Variants in SARDH observed in about 807,000 individuals in gnomAD.
SARDH encodes sarcosine dehydrogenase.
In SARDH, 95 loss-of-function variants were observed where a neutral mutation model predicts 109.1. That is an observed-to-expected ratio of 0.87 (90% confidence interval 0.74 to 1.03). The LOEUF is 1.03. SARDH is among the 50% of genes least tolerant of loss of function. The pLI, the probability that SARDH is intolerant of heterozygous loss-of-function variation, is 0.00. For missense variants in SARDH, 1,267 were observed against 1,287.8 expected (o/e 0.98, Z 0.25); for synonymous variants, 572 against 534.8 (o/e 1.07, Z -0.96).
rs1830055134 is a variant in SARDH at position 133,666,086 on chromosome 9, C to T, written c.2631+649G>A. On this transcript the variant is annotated intron_variant, in intron 20 of 20. Coordinates refer to ENST00000439388, the MANE Select transcript of SARDH (RefSeq NM_001134707.2). This position sits in a 1 kb window ranked among gnomAD's most constrained non-coding sequence, Gnocchi z 5.2. ...CTGGCCACCCAGAGCTGTCCTGGGA[C>T]TTGCTCCTGGGGGCAGTGCCTGCTC... Among the ~76,000 whole-genome samples, 1 of 152,222 alleles carries T rather than the reference C, an allele frequency of 6.6e-6. No individual in the cohort carries two copies. The highest frequency in any genetic ancestry group is 1.5e-5 in the Non-Finnish European group (1 of 68,030).
intron 1 of SARDH, among the ~76,000 whole-genome samples, 189 bp from the exon 2 acceptor site, chr9:133,734,392 TTCAC>T (rs1250268353): frequency 6.8e-6 from 1 of 147,118 alleles, no homozygotes; most frequent in Non-Finnish European, 1.5e-5. Flanking sequence ...CATTCATTCA[TTCAC>T]TCATTCATTC....
rs1830073960 is a variant in SARDH, at chr9:133,666,618, G to T, written c.2631+117C>A. ...CTTTCTCTTCCCTCCTCCTCTTCTG[G>T]ACCACACCCGTGCCTCCTCCCTATG... On this transcript the variant is annotated intron_variant, in intron 20 of 20. Transcript: ENST00000439388. The surrounding 1 kb of genome is among the most constrained non-coding windows in gnomAD (Gnocchi z 5.2). 1.5e-5 allele frequency: 20 copies of T among 1,372,958 alleles called. No individual in the cohort carries two copies. In the South Asian group the frequency reaches 1.8e-4, roughly 12 times the overall value. The allele number at this position is 1,372,958 out of a possible 1,614,324, so 85.0% of individuals were successfully genotyped here.
rs1832575997 is a variant in SARDH at position 133,728,793 on chromosome 9, G to T, written c.915+972C>A. Reference sequence around the variant, plus strand: ...GGGTTCAATGGAATGTGAATGGTTGGATTAATATGTGGGTGGATGCTGAAG... The same window carrying T: ...GGGTTCAATGGAATGTGAATGGTTGTATTAATATGTGGGTGGATGCTGAAG... On this transcript the variant is annotated intron_variant, in intron 6 of 20. Coordinates refer to ENST00000439388, the MANE Select transcript of SARDH (RefSeq NM_001134707.2). The surrounding 1 kb of genome is among the most constrained non-coding windows in gnomAD (Gnocchi z 5.0). Among the ~76,000 whole-genome samples, 1 of 142,702 alleles carries T rather than the reference G, an allele frequency of 7.0e-6. No individual in the cohort carries two copies. 93.6% of individuals were successfully genotyped at this position (142,702 alleles called of 152,430 possible). A position where few individuals can be genotyped will look rare whatever the true frequency, so the allele number is the denominator to read the frequency against.
chr9:133,734,344 C>CTCATTCATTCATTCATTCACTCATTCAT, intron 1 of SARDH, 141 bp from the exon 2 acceptor site: 1 of 408,534 alleles, frequency 2.4e-6, no homozygotes. Context: ...CATTCATTCA[C>CTCATTCATTCATTCATTCACTCATTCAT]TCATTCATTC....
intron 17 of SARDH, among the ~76,000 whole-genome samples, chr9:133,677,666 C>G (rs934880776): frequency 9.2e-5 from 14 of 152,340 alleles, no homozygotes; most frequent in African/African-American, 2.9e-4. Flanking sequence ...TAGCGTGGAC[C>G]CTGCTGGGAA....
intron 7 of SARDH, 144 bp from the exon 8 acceptor site, chr9:133,717,599 G>A: frequency 8.0e-7 from 1 of 1,242,562 alleles, no homozygotes; most frequent in Non-Finnish European, 1.1e-6. Context: ...ACACGTCCCA[G>A]CCGTTTGTCT....
intron 10 of SARDH, among the ~76,000 whole-genome samples, chr9:133,710,205 G>A (rs1050346105): frequency 1.3e-5 from 2 of 152,236 alleles, no homozygotes; most frequent in African/African-American, 2.4e-5. Context: ...CATGAGCCTC[G>A]AGTGCGCTCC....
chr9:133,661,060 C>T (rs1832405630), downstream of SARDH, among the ~76,000 whole-genome samples: 1 of 151,956 alleles, frequency 6.6e-6, no homozygotes, highest in Non-Finnish European at 1.5e-5. Context: ...ATAATTAGGG[C>T]TGGGCGCGGT....
At chr9:133,730,347 G>A (rs1457232330) in intron 4 of SARDH, among the ~76,000 whole-genome samples, 160 bp from the exon 5 acceptor site, 2 of 152,066 alleles carry the variant, frequency 1.3e-5, no homozygotes, top group Non-Finnish European at 2.9e-5. Flanking sequence ...GATGACCACA[G>A]CGCCAGAAAA....
intron 13 of SARDH, among the ~76,000 whole-genome samples, chr9:133,702,335 G>A (rs1184244117): frequency 2.0e-5 from 3 of 152,206 alleles, no homozygotes; most frequent in Non-Finnish European, 4.4e-5. Flanking sequence ...AGGTCCCCAG[G>A]CAGGGGCGAC....
At position 133,718,051 on chromosome 9, in the gene SARDH, C is replaced by T. The variant is rs533555432; in HGVS notation, c.1021-596G>A. Among the ~76,000 whole-genome samples the T allele has an allele frequency of 1.2e-4, 19 of 152,296 alleles. No individual in the cohort carries two copies. Among genetic ancestry groups the T allele is most frequent in the African/African-American group, 3.4e-4 (14 of 41,564 alleles). On this transcript the variant is annotated intron_variant, in intron 7 of 20. Coordinates refer to ENST00000439388, the MANE Select transcript of SARDH (RefSeq NM_001134707.2). The surrounding 1 kb of genome is among the most constrained non-coding windows in gnomAD (Gnocchi z 4.2). ...ATTTTATTCAGTGCGCGATCATCTTCCAGAATTTCATTCCTTGTTCATTTG... is the reference window on the plus strand; with the variant it reads ...ATTTTATTCAGTGCGCGATCATCTTTCAGAATTTCATTCCTTGTTCATTTG...
At chr9:133,683,932 C>A (rs778951544) in intron 17 of SARDH, among the ~76,000 whole-genome samples, 1 of 152,220 alleles carries the variant, frequency 6.6e-6, no homozygotes, top group Non-Finnish European at 1.5e-5. Flanking sequence ...GTGTCACTGA[C>A]ACATATCGGG....
chr9:133,732,684 A>T lies in SARDH; in HGVS notation c.332-83T>A, dbSNP rs1832731313. 2.1e-6 allele frequency: 3 copies of T among 1,428,658 alleles called. No individual in the cohort carries two copies. In the Admixed American group the frequency reaches 6.7e-5, roughly 32 times the overall value. The allele number at this position is 1,428,658 out of a possible 1,614,324, so 88.5% of individuals were successfully genotyped here. On this transcript the variant is annotated intron_variant, in intron 2 of 20. Transcript: ENST00000439388. ...CAGACGAATATCAGGGGATACCCTG[A>T]TATTCAACCATGGGTGTCTTTCTCT...
intron 17 of SARDH, among the ~76,000 whole-genome samples, chr9:133,682,525 G>A (rs1379493631): frequency 1.3e-5 from 2 of 152,192 alleles, no homozygotes; most frequent in Non-Finnish European, 2.9e-5. Context: ...GATGAGCTTC[G>A]TGCCGCAGCT....
downstream of SARDH, among the ~76,000 whole-genome samples, chr9:133,661,778 G>A (rs1331504130): frequency 2.0e-5 from 3 of 152,198 alleles, no homozygotes; most frequent in East Asian, 5.8e-4. Context: ...ACTGCGCCCG[G>A]CCAGTGTAGG....
intron 14 of SARDH, among the ~76,000 whole-genome samples, chr9:133,695,873 A>T (rs1831267531): frequency 6.6e-6 from 1 of 152,186 alleles, no homozygotes; most frequent in African/African-American, 2.4e-5. Context: ...GTTTCTATTT[A>T]ATTCTGGCAA....
At chr9:133,660,435 T>TG (rs1832398260), downstream of SARDH, among the ~76,000 whole-genome samples, 1 of 152,044 alleles carries the variant, frequency 6.6e-6, no homozygotes, top group South Asian at 2.1e-4. Context: ...AGGACCCTTG[T>TG]GGGGGATTTT....
intron 6 of SARDH, among the ~76,000 whole-genome samples, chr9:133,719,641 C>G (rs549119251): frequency 4.3e-5 from 6 of 140,218 alleles, no homozygotes; most frequent in African/African-American, 1.0e-4. Context: ...CCCACCCCCC[C>G]ACCCCAGGAG....
intron 11 of SARDH, 87 bp from the exon 12 acceptor site, chr9:133,705,118 C>T: frequency 2.9e-6 from 4 of 1,358,028 alleles, no homozygotes; most frequent in African/African-American, 1.4e-5. Flanking sequence ...ACTTTACACC[C>T]AAGGGTGCGG....
Sources: allele counts gnomAD v4.1 joint callset (sites outside exome capture counted in the v4.1 genomes callset), GRCh38; gene constraint gnomAD v4.1.1; non-coding constraint Gnocchi (gnomAD v3.1); transcripts MANE v1.5; gene names NCBI Gene and HGNC (gene_info 2026-07-23, HGNC 2026-07-21).